C3: variants seen among roughly 807,000 people sequenced by gnomAD.
C3 encodes complement C3.
Under a neutral mutation model 207.9 loss-of-function variants are expected in C3, and 97 were observed. The ratio of observed to expected loss-of-function variants is 0.47; its 90% CI spans 0.40 to 0.55. C3 has a LOEUF of 0.55. Among genes scored for constraint, C3 ranks in the 20% least tolerant of loss-of-function variants. The pLI, the probability that C3 is intolerant of heterozygous loss-of-function variation, is 0.00. For synonymous variants in C3, 848 were observed against 857.6 expected, an observed-to-expected ratio of 0.99 and a Z score of 0.20; for missense variants, 1,684 against 2,171.7, an observed-to-expected ratio of 0.78 and a Z score of 4.46.
Position 6,690,722 on chromosome 19 carries a change from T to C in C3, c.3396A>G (p.Gly1132=), listed in dbSNP as rs1430780337. The C allele has an allele frequency of 4.3e-6, 7 of 1,613,786 alleles. No homozygotes were observed. Among genetic ancestry groups the C allele is most frequent in the African/African-American group, 1.3e-5 (1 of 74,944 alleles). Residue 1132 remains glycine (G), a synonymous_variant, in exon 27 of 41, where the codon GGA becomes GGG. Transcript: ENST00000245907. ...APVIHQEMIG[G]LRNNNEKDMA... ...TGTCTTTCTCGTTGTTGTTCCGTAA[T>C]CCACCCTGAGATAGAGAGCAGAAAG...
intron 14 of C3, 73 bp downstream of exon 14, chr19:6,709,611 T>TTCCCCCCCCCCCCC: frequency 2.1e-5 from 23 of 1,109,418 alleles, no homozygotes; most frequent in Middle Eastern, 2.0e-4. Context: ...CCCTCTCCAG[T>TTCCCCCCCCCCCCC]CCCACCCACC....
At chr19:6,689,303 CTCTCTCTCTCTCTCTCTCTA>C (rs1568213363) in intron 27 of C3, among the ~76,000 whole-genome samples, 47 of 131,130 alleles carry the variant, frequency 3.6e-4, no homozygotes, top group African/African-American at 1.3e-3. Context: ...CCTCTCCTCT[CTCTCTCTCTCTCTCTCTCTA>C]CCTACCTCCC....
intron 19 of C3, among the ~76,000 whole-genome samples, chr19:6,700,238 ATAC>A (rs1467493091): frequency 7.3e-6 from 1 of 137,350 alleles, no homozygotes; most frequent in Non-Finnish European, 1.5e-5. Flanking sequence ...TATATGTAAT[ATAC>A]AATATATAAT....
At position 6,681,802 on chromosome 19, in the gene C3, C is replaced by G. The variant is rs1382253880; in HGVS notation, c.4350+139G>C. The G allele has an allele frequency of 8.0e-6, 6 of 750,494 alleles. No individual in the cohort carries two copies. The East Asian group carries it at 9.8e-5, about 12-fold the overall frequency. The allele number at this position is 750,494 out of a possible 1,614,324, so 46.5% of individuals were successfully genotyped here. A position where few individuals can be genotyped will look rare whatever the true frequency, so the allele number is the denominator to read the frequency against. On this transcript the variant is annotated intron_variant, in intron 35 of 40. Coordinates refer to ENST00000245907, the MANE Select transcript of C3 (RefSeq NM_000064.4). ...ATTTTACAAGCTCCTTCCCCTACAACTCAGCAGCACAGACCCTGTCTCCTC... is the reference window on the plus strand; with the variant it reads ...ATTTTACAAGCTCCTTCCCCTACAAGTCAGCAGCACAGACCCTGTCTCCTC...
chr19:6,682,189 T>C lies in C3; in HGVS notation c.4213A>G (p.Ile1405Val), dbSNP rs1213911874. 11 of 1,614,154 alleles carry C rather than the reference T, an allele frequency of 6.8e-6. No homozygotes were observed. The highest frequency in any genetic ancestry group is 9.3e-6 in the Non-Finnish European group (11 of 1,179,990). Residue 1405 changes from isoleucine to valine, a missense_variant, in exon 34 of 41, where the codon ATA (isoleucine) becomes GTA (valine). Coordinates refer to ENST00000245907, the MANE Select transcript of C3 (RefSeq NM_000064.4). ...GGAGCAAAGCCAGTCATCATGGATA[T>C]GTCCAATATAGACATAGTGGCATCC... is the stretch of plus-strand genomic sequence containing the variant. Reference protein sequence around the residue: ...DQDATMSILDISMMTGFAPDT... With the variant: ...DQDATMSILDVSMMTGFAPDT...
Position 6,715,628 on chromosome 19 carries a change from G to GTT in C3, c.505-1184_505-1183dup, listed in dbSNP as rs1383678918. Among the ~76,000 whole-genome samples, 19 of 143,444 alleles carry GTT rather than the reference G, an allele frequency of 1.3e-4. 1 individual carries two copies. Among genetic ancestry groups the GTT allele is most frequent in the South Asian group, 4.3e-4 (2 of 4,700 alleles). The allele number at this position is 143,444 out of a possible 152,430, so 94.1% of individuals were successfully genotyped here. A position where few individuals can be genotyped will look rare whatever the true frequency, so the allele number is the denominator to read the frequency against. ...AATCTGTTTTTTTTTTGTTTTTTTT[G>GTT]TTTTTTTTTTTGAGACGGAGTCTTG... On this transcript the variant is annotated intron_variant, in intron 4 of 40. Coordinates refer to ENST00000245907, the MANE Select transcript of C3 (RefSeq NM_000064.4).
At chr19:6,712,675 ACCT>A (rs1967944709) in intron 9 of C3, 52 bp from the exon 10 acceptor site, 1 of 1,461,132 alleles carries the variant, frequency 6.8e-7, no homozygotes. Flanking sequence ...TCAGGATTAG[ACCT>A]CCTCCCTCAG....
chr19:6,711,100 G>A lies in C3; in HGVS notation c.1366C>T (p.Leu456=), dbSNP rs1346519668. 4 of 1,614,030 alleles carry A rather than the reference G, an allele frequency of 2.5e-6. No individual in the cohort carries two copies. The highest frequency in any genetic ancestry group is 2.2e-5 in the East Asian group (1 of 44,900). ...TCTGTACGTAGCACTGAGAGATGCA[G>A]GTAATTGTTGGAGTTGCCCACGGTG... The part of the protein sequence containing the change: ...YSTVGNSNNY[L]HLSVLRTELR... Residue 456 remains leucine, a synonymous_variant, in exon 12 of 41, where the codon CTG becomes TTG. Transcript: ENST00000245907.
chr19:6,692,953 C>A lies in C3; in HGVS notation c.3361G>T (p.Asp1121Tyr). 1 of 1,614,164 alleles carries A rather than the reference C, an allele frequency of 6.2e-7. No homozygotes were observed. The highest frequency in any genetic ancestry group is 8.5e-7 in the Non-Finnish European group (1 of 1,180,034). ...ATTTCTTGGTGTATCACGGGCGCAT[C>A]CTCCTGGAAGACCCCGTCGGGCTTC... The part of the protein sequence containing the change: ...KQKPDGVFQE[D>Y]APVIHQEMIG... Residue 1121 changes from aspartate to tyrosine, a missense_variant, in exon 26 of 41, where the codon GAT becomes TAT. Physicochemically the swap from Asp to Tyr is radical, Grantham distance 160 (BLOSUM62 -3). Coordinates refer to ENST00000245907, the MANE Select transcript of C3 (RefSeq NM_000064.4).
At chr19:6,712,116 C>A (rs190582943) in intron 11 of C3, 141 bp downstream of exon 11, 7 of 1,063,498 alleles carry the variant, frequency 6.6e-6, no homozygotes, top group Non-Finnish European at 8.3e-6. Flanking sequence ...ATGCAAATGG[C>A]AGGACCCCTC....
chr19:6,679,956 A>G, intron 36 of C3: 1 of 581,094 alleles, frequency 1.7e-6, no homozygotes, highest in Admixed American at 2.6e-5. Flanking sequence ...TGCTTAGACC[A>G]TCATTCTCAG....
intron 33 of C3, chr19:6,682,546 C>T (rs1361705151): frequency 2.6e-6 from 1 of 377,452 alleles, no homozygotes; most frequent in East Asian, 6.4e-5. Flanking sequence ...AGGCAGCCCT[C>T]ACTCTGCATG....
In C3 at chr19:6,712,518, A is replaced by C; in HGVS notation, c.1109T>G (p.Phe370Cys). The C allele has an allele frequency of 3.1e-6, 5 of 1,614,112 alleles. No homozygotes were observed. The highest frequency in any genetic ancestry group is 4.2e-6 in the Non-Finnish European group (5 of 1,179,968). ...TPKYFKPGMP[F>C]DLMVFVTNPD... The stretch of plus-strand genomic sequence containing the variant: ...CGCCCCGGGTCTCACCATGAGGTCA[A>C]AGGGCATTCCTGGTTTGAAGTACTT... The change falls in exon 10 of 41, where the codon TTT becomes TGT. Residue 370 changes from phenylalanine (F) to cysteine (C), a missense_variant. Coordinates refer to ENST00000245907, the MANE Select transcript of C3 (RefSeq NM_000064.4).
intron 27 of C3, among the ~76,000 whole-genome samples, chr19:6,689,359 C>CA (rs201954645): frequency 4.5e-5 from 3 of 66,500 alleles, no homozygotes; most frequent in East Asian, 3.2e-4. Flanking sequence ...CTCCCTCCCT[C>CA]CCTCTCTCTC....
At position 6,678,104 on chromosome 19, in the gene C3, G is replaced by A. The variant is rs344556; in HGVS notation, c.4850+48C>T. On this transcript the variant is annotated intron_variant, in intron 40 of 40. Coordinates refer to ENST00000245907, the MANE Select transcript of C3 (RefSeq NM_000064.4). ...CGTGACAATGGTGTGGGCGTGGCAT[G>A]GGCGGGGCAGTCGGGCGGTCGCGCG... 8.6e-4 allele frequency: 1,394 copies of A among 1,614,090 alleles called. 13 individuals are homozygous for A. In the African/African-American group the frequency reaches 0.016, roughly 18 times the overall value.
rs745513909 is a variant in C3, at chr19:6,693,058, A to G, written c.3256T>C (p.Phe1086Leu). Residue 1086 changes from phenylalanine (F) to leucine (L), a missense_variant, in exon 26 of 41, where the codon TTC becomes CTC. Phe to Leu is a conservative substitution (Grantham distance 22). Around this residue, in one of 3 missense-constraint regions of C3, gnomAD observed 1,280 missense variants for 1,739.1 expected, o/e 0.74. Transcript: ENST00000245907. ...GCGATGAGGTTGACAGCCAGAGAGA[A>G]GACCTTGACCACGTAGGCGGTCAGC... ...TWLTAYVVKV[F>L]SLAVNLIAID... 2 of 1,614,038 alleles carry G rather than the reference A, an allele frequency of 1.2e-6. No homozygotes were observed. The highest frequency in any genetic ancestry group is 1.7e-6 in the Non-Finnish European group (2 of 1,180,032).
In C3 at chr19:6,718,079, C is replaced by T. The variant is rs745741430; in HGVS notation, c.504+15G>A. 1.3e-5 allele frequency: 21 copies of T among 1,613,832 alleles called. No individual in the cohort carries two copies. Among genetic ancestry groups the T allele is most frequent in the Non-Finnish European group, 1.7e-5 (20 of 1,179,764 alleles). ...CTGTGCCCCTGCTTCCCCTGGGGCC[C>T]CCTCTGGCTGGCACCTCAATGTTGA... On this transcript the variant is annotated intron_variant, in intron 4 of 40. Coordinates refer to ENST00000245907, the MANE Select transcript of C3 (RefSeq NM_000064.4).
rs1297252966 is a variant in C3 at position 6,696,406 on chromosome 19, C to T, written c.2923G>A (p.Glu975Lys). The T allele has an allele frequency of 4.3e-6, 7 of 1,613,188 alleles. No individual in the cohort carries two copies. The highest frequency in any genetic ancestry group is 2.2e-5 in the East Asian group (1 of 44,874). ...ADLSDQVPDT[E>K]SETRILLQGT... ...TGCAGGAGAATTCTGGTCTCAGACT[C>T]GGTGTCCGGGACTTGGTCACTGAGG... Residue 975 changes from glutamate to lysine, a missense_variant, in exon 23 of 41, where the codon GAG becomes AAG. This residue lies in a region of C3 where 1,280 missense variants were observed against 1,739.1 expected (regional missense o/e 0.74). Transcript: ENST00000245907.
chr19:6,680,302 G>T, intron 35 of C3, 39 bp from the exon 36 acceptor site: 1 of 1,059,192 alleles, frequency 9.4e-7, no homozygotes, highest in South Asian at 1.3e-5. Context: ...GGGGTGATGT[G>T]GGAGGGAGTC....
Sources: allele counts gnomAD v4.1 joint callset (sites outside exome capture counted in the v4.1 genomes callset), GRCh38; gene constraint gnomAD v4.1.1; regional missense constraint gnomAD v4.1.1; transcripts MANE v1.5; gene names NCBI Gene and HGNC (gene_info 2026-07-23, HGNC 2026-07-21).